Variants in ADNP observed in about 807,000 individuals in gnomAD.
ADNP encodes the protein activity-dependent neuroprotector homeobox protein.
Under a neutral mutation model 84.9 loss-of-function variants are expected in ADNP, and 4 were observed. The observed-to-expected ratio is 0.05, with a 90% CI of 0.02 to 0.11. The LOEUF is 0.11. Among genes scored for constraint, ADNP ranks in the 10% least tolerant of loss-of-function variants. ADNP has a pLI of 1.00. For missense variants in ADNP, 1,132 were observed against 1,326.0 expected (o/e 0.85, Z 2.27); for synonymous variants, 554 against 468.1 (o/e 1.18, Z -2.37).
At chr20:50,910,751 C>G (rs1982949880) in intron 2 of ADNP, among the ~76,000 whole-genome samples, 1 of 152,090 alleles carries the variant, frequency 6.6e-6, no homozygotes, top group South Asian at 2.1e-4. Context: ...ATTCTCCAGG[C>G]TCAAGCAATC....
In ADNP at chr20:50,892,276, C is replaced by T. The variant is rs1251485719; in HGVS notation, c.2438G>A (p.Arg813His). The T allele has an allele frequency of 1.2e-6, 2 of 1,614,184 alleles. No individual in the cohort carries two copies. The highest frequency in any genetic ancestry group is 1.7e-6 in the Non-Finnish European group (2 of 1,180,048). The change falls in exon 6 of 6, where the codon CGT (arginine) becomes CAT (histidine). Residue 813 changes from arginine to histidine, a missense_variant. Around this residue, in one of 10 missense-constraint regions of ADNP, gnomAD observed 41 missense variants for 78.4 expected, o/e 0.52. Transcript: ENST00000621696. ...HFSNKRKKCV[R>H]DCEKYKPGVL... is the part of the protein sequence containing the mutation. ...GCCAGGCTTGTACTTTTCACAATCACGGACACACTTCTTCCTTTTGTTACT... is the reference window on the plus strand; with the variant it reads ...GCCAGGCTTGTACTTTTCACAATCATGGACACACTTCTTCCTTTTGTTACT...
intron 2 of ADNP, among the ~76,000 whole-genome samples, chr20:50,923,542 G>A (rs1600994455): frequency 6.6e-6 from 1 of 151,566 alleles, no homozygotes; most frequent in South Asian, 2.1e-4. Flanking sequence ...TTTTGAGACT[G>A]AGTCTCACTC....
intron 5 of ADNP, 149 bp downstream of exon 5, chr20:50,901,868 C>T: frequency 1.4e-6 from 1 of 724,680 alleles, no homozygotes; most frequent in Non-Finnish European, 2.4e-6. Flanking sequence ...CTTAGTCTTC[C>T]CACTGGTCAG....
At chr20:50,919,740 TG>T (rs1480953194) in intron 2 of ADNP, among the ~76,000 whole-genome samples, 1 of 152,212 alleles carries the variant, frequency 6.6e-6, no homozygotes, top group African/African-American at 2.4e-5. Context: ...AAAAGACTTC[TG>T]GCGCAGTTCC....
chr20:50,902,316 C>T (rs1469319213), intron 4 of ADNP, among the ~76,000 whole-genome samples: 4 of 152,100 alleles, frequency 2.6e-5, no homozygotes, highest in Non-Finnish European at 5.9e-5. Flanking sequence ...CAACCACTTT[C>T]CTGATGGTCA....
At chr20:50,923,603 C>T (rs1370767033) in intron 2 of ADNP, among the ~76,000 whole-genome samples, 3 of 152,084 alleles carry the variant, frequency 2.0e-5, no homozygotes, top group East Asian at 1.9e-4. Flanking sequence ...CTGCAACCTC[C>T]GCCTCCCAGG....
chr20:50,897,288 C>T (rs969785868), intron 5 of ADNP, among the ~76,000 whole-genome samples: 5 of 152,146 alleles, frequency 3.3e-5, no homozygotes, highest in African/African-American at 1.2e-4. Flanking sequence ...ACTGCTAAAT[C>T]CTTCACTGAA....
chr20:50,913,871 A>G, intron 2 of ADNP: 1 of 587,220 alleles, frequency 1.7e-6, no homozygotes, highest in Non-Finnish European at 3.2e-6. Context: ...GGGCATGCTC[A>G]GCCATACATA....
intron 2 of ADNP, chr20:50,914,341 C>T (rs1227388401): frequency 1.5e-6 from 1 of 662,948 alleles, no homozygotes. Flanking sequence ...AGAAAAGAAA[C>T]CCCACAAGTG....
At chr20:50,914,318 T>TA in intron 2 of ADNP, 1 of 684,932 alleles carries the variant, frequency 1.5e-6, no homozygotes, top group Non-Finnish European at 2.7e-6. Flanking sequence ...AATATTTACA[T>TA]AGAGAATAAA....
At chr20:50,925,578 G>A (rs555602329) in intron 2 of ADNP, among the ~76,000 whole-genome samples, 5 of 152,248 alleles carry the variant, frequency 3.3e-5, no homozygotes, top group East Asian at 1.9e-4. Context: ...AAGCATGGAC[G>A]GTTTATCAAA....
At chr20:50,914,512 C>A in intron 2 of ADNP, 1 of 291,984 alleles carries the variant, frequency 3.4e-6, no homozygotes, top group East Asian at 8.3e-5. Flanking sequence ...CCTTCAAAGT[C>A]TTATAAACAT....
Position 50,892,016 on chromosome 20 carries a change from C to T in ADNP, c.2698G>A (p.Glu900Lys). ...GGGTTATCGTTAGAGATTTTAGGTT[C>T]AACTTCAAAAACAGGGTCAAAAGGG... ...GSPFDPVFEV[E>K]PKISNDNPEE... The change falls in exon 6 of 6, where the codon GAA becomes AAA. Residue 900 changes from glutamate to lysine, a missense_variant. By Grantham distance (56) the Glu-to-Lys change is moderately conservative. Transcript: ENST00000621696. 6.2e-7 allele frequency: 1 copy of T among 1,614,136 alleles called. No individual in the cohort carries two copies.
At chr20:50,904,116 A>G in intron 3 of ADNP, 115 bp from the exon 4 acceptor site, 5 of 733,746 alleles carry the variant, frequency 6.8e-6, no homozygotes, top group Non-Finnish European at 1.1e-5. Flanking sequence ...AGGTGCATAG[A>G]TATCCTCATC....
At position 50,891,166 on chromosome 20, in the gene ADNP, G is replaced by C. The variant is rs1980660104; in HGVS notation, c.*239C>G. On this transcript the variant is annotated 3_prime_UTR_variant, in exon 6 of 6. Coordinates refer to ENST00000621696, the MANE Select transcript of ADNP (RefSeq NM_001282531.3). ...TCTGCTTTTCCTCGTGTGTATTCAT[G>C]AGTCACCAGCTTATTGGTTTTTCAC... is the stretch of plus-strand genomic sequence containing the variant. 3.1e-6 allele frequency: 4 copies of C among 1,289,524 alleles called. No individual in the cohort carries two copies. The highest frequency in any genetic ancestry group is 2.9e-6 in the Non-Finnish European group (3 of 1,021,842). 79.9% of individuals were successfully genotyped at this position (1,289,524 alleles called of 1,614,324 possible).
At chr20:50,919,410 G>A (rs1983783744) in intron 2 of ADNP, among the ~76,000 whole-genome samples, 1 of 151,678 alleles carries the variant, frequency 6.6e-6, no homozygotes, top group African/African-American at 2.4e-5. Context: ...AGCTATGATG[G>A]TGCCACTATA....
At chr20:50,900,610 G>A (rs938941410) in intron 5 of ADNP, among the ~76,000 whole-genome samples, 5 of 152,166 alleles carry the variant, frequency 3.3e-5, no homozygotes, top group Admixed American at 1.3e-4. Context: ...GACCACTGTC[G>A]TAGATGTAGT....
intron 2 of ADNP, among the ~76,000 whole-genome samples, chr20:50,916,603 C>T (rs775266012): frequency 6.6e-6 from 1 of 152,114 alleles, no homozygotes; most frequent in African/African-American, 2.4e-5. Context: ...AGGAGATGGT[C>T]GAGTGAGACA....
intron 5 of ADNP, among the ~76,000 whole-genome samples, chr20:50,896,211 C>A (rs982476072): frequency 6.6e-6 from 1 of 151,970 alleles, no homozygotes; most frequent in African/African-American, 2.4e-5. Context: ...GGCAACACAG[C>A]GAGACTCCGT....
Sources: allele counts gnomAD v4.1 joint callset (sites outside exome capture counted in the v4.1 genomes callset), GRCh38; gene constraint gnomAD v4.1.1; regional missense constraint gnomAD v4.1.1; transcripts MANE v1.5; gene names NCBI Gene and HGNC (gene_info 2026-07-23, HGNC 2026-07-21).